The following CAGE1 variants were observed in gnomAD, a reference collection of about 807,000 sequenced individuals.
CAGE1 encodes the protein cancer antigen 1.
A neutral mutation model predicts 94.9 loss-of-function variants in CAGE1; 66 were observed. The ratio of observed to expected loss-of-function variants is 0.70; its 90% CI spans 0.57 to 0.85. The LOEUF is 0.85. CAGE1 is among the 40% of genes least tolerant of loss of function. CAGE1 has a pLI of 0.00. For missense variants in CAGE1, 865 were observed against 950.4 expected (o/e 0.91, Z 1.18); for synonymous variants, 319 against 321.0 (o/e 0.99, Z 0.07).
At chr6:7,333,498 G>C (rs1012830277) in intron 12 of CAGE1, among the ~76,000 whole-genome samples, 6 of 151,704 alleles carry the variant, frequency 4.0e-5, no homozygotes, top group African/African-American at 1.2e-4. Context: ...TCCATTTTAG[G>C]TTCTACAAAA....
At chr6:7,354,107 TAAAATA>T (rs1184872348) in intron 11 of CAGE1, among the ~76,000 whole-genome samples, 2 of 151,782 alleles carry the variant, frequency 1.3e-5, no homozygotes, top group Non-Finnish European at 2.9e-5. Flanking sequence ...AAAAATAAAA[TAAAATA>T]AAAATAAAAA....
chr6:7,335,167 C>A lies in CAGE1; in HGVS notation c.2370-1077G>T, dbSNP rs79580381. ...TCATCAAATCTCTCTCTGCCTCCCC[C>A]CTCTTATAAGGACCCCTGTGATTGC... is the stretch of plus-strand genomic sequence containing the variant. On this transcript the variant is annotated intron_variant, in intron 11 of 13. Transcript: ENST00000502583. 3.8e-3 allele frequency among the ~76,000 whole-genome samples: 582 copies of A among 152,292 alleles called. 1 individual carries two copies. The highest frequency in any genetic ancestry group is 7.3e-3 in the Non-Finnish European group (497 of 68,024).
chr6:7,365,107 T>A (rs1760281973), intron 9 of CAGE1, among the ~76,000 whole-genome samples: 1 of 152,202 alleles, frequency 6.6e-6, no homozygotes, highest in Non-Finnish European at 1.5e-5. Flanking sequence ...ACATTATGAG[T>A]GTTATTGCCT....
chr6:7,366,344 A>G (rs1467953634), intron 7 of CAGE1, among the ~76,000 whole-genome samples: 1 of 152,112 alleles, frequency 6.6e-6, no homozygotes, highest in Non-Finnish European at 1.5e-5. Context: ...AAGAATTCAC[A>G]CAGCAGGTCC....
intron 3 of CAGE1, among the ~76,000 whole-genome samples, chr6:7,382,678 G>A (rs1452590984): frequency 6.6e-6 from 1 of 151,758 alleles, no homozygotes; most frequent in African/African-American, 2.4e-5. Flanking sequence ...TTGGGAGGCT[G>A]AGGCCGGCAG....
At position 7,365,475 on chromosome 6, in the gene CAGE1, T is replaced by C. The variant is rs372243525; in HGVS notation, c.2186A>G (p.Asp729Gly). Reference protein sequence around the residue: ...DKYHSLNEELDFLITKLGHLL... With the variant: ...DKYHSLNEELGFLITKLGHLL... ...AAAAAAGGTCTTTCTTACCAAGAAA[T>C]CAAGCTCCTCATTTAGACTGTGGTA... Residue 729 changes from aspartate to glycine, a missense_variant, in exon 9 of 14, where the codon GAT becomes GGT. Physicochemically the swap from Asp to Gly is moderately conservative, Grantham distance 94 (BLOSUM62 -1). Transcript: ENST00000502583. The C allele has an allele frequency of 5.6e-6, 9 of 1,612,134 alleles. No individual in the cohort carries two copies. In the African/African-American group the frequency reaches 9.3e-5, roughly 17 times the overall value.
intron 11 of CAGE1, among the ~76,000 whole-genome samples, chr6:7,336,460 A>T (rs1207594703): frequency 6.6e-6 from 1 of 152,154 alleles, no homozygotes; most frequent in Non-Finnish European, 1.5e-5. Flanking sequence ...AGCACCACTG[A>T]ATGGAGTATA....
intron 11 of CAGE1, chr6:7,341,603 C>CCTTGCTGTGGACA: frequency 1.1e-6 from 1 of 876,282 alleles, no homozygotes. Flanking sequence ...AACTTGTCCA[C>CCTTGCTGTGGACA]AGCAAGGTGG....
chr6:7,351,783 T>A (rs1250360066), intron 11 of CAGE1, among the ~76,000 whole-genome samples: 5 of 152,104 alleles, frequency 3.3e-5, no homozygotes, highest in African/African-American at 4.8e-5. Context: ...ACAAAAATCA[T>A]ATGATCTTCT....
intron 11 of CAGE1, among the ~76,000 whole-genome samples, chr6:7,344,995 G>A (rs769593288): frequency 4.7e-4 from 72 of 152,194 alleles, no homozygotes; most frequent in Non-Finnish European, 7.3e-4. Flanking sequence ...CAATCAGCAG[G>A]ATGTGGGTGG....
At chr6:7,355,166 T>C in intron 10 of CAGE1, 55 bp from the exon 11 acceptor site, 2 of 1,308,684 alleles carry the variant, frequency 1.5e-6, no homozygotes, top group South Asian at 2.7e-5. Flanking sequence ...TTTATTTTTT[T>C]CTTTTTTATG....
rs760306465 is a variant in CAGE1, at chr6:7,373,677, G to A, written c.1142C>T (p.Thr381Ile). The change falls in exon 5 of 14, where the codon ACA (threonine) becomes ATA (isoleucine). Residue 381 changes from threonine (T) to isoleucine (I), a missense_variant. Physicochemically the swap from Thr to Ile is moderately conservative, Grantham distance 89. Transcript: ENST00000502583. ...IILEKNDTKK[T>I]LQNLEEVLAN... ...TAAAACCTCTTCCAAATTCTGCAAT[G>A]TCTTTTTAGTATCATTCTTCTCTAG... 1 of 1,612,990 alleles carries A rather than the reference G, an allele frequency of 6.2e-7. No homozygotes were observed. The highest frequency in any genetic ancestry group is 8.5e-7 in the Non-Finnish European group (1 of 1,179,342).
chr6:7,339,292 T>A lies in CAGE1; in HGVS notation c.2370-5202A>T. 1.9e-6 allele frequency: 3 copies of A among 1,579,386 alleles called. No homozygotes were observed. Among genetic ancestry groups the A allele is most frequent in the Non-Finnish European group, 2.6e-6 (3 of 1,149,124 alleles). ...TGGGCAATGGCACACAGACCCCTAG[T>A]GGCCACCTCTTCAGCATAAAGCTCT... On this transcript the variant is annotated intron_variant, in intron 11 of 13. Transcript: ENST00000502583. The surrounding 1 kb of genome is among the most constrained non-coding windows in gnomAD (Gnocchi z 4.7).
At chr6:7,327,354 C>T (rs1291956958) in intron 13 of CAGE1, among the ~76,000 whole-genome samples, 1 of 152,068 alleles carries the variant, frequency 6.6e-6, no homozygotes, top group Non-Finnish European at 1.5e-5. Flanking sequence ...GGGGTTTTGC[C>T]ATGTTGTCCA....
At chr6:7,327,595 T>C (rs1427501813) in intron 13 of CAGE1, among the ~76,000 whole-genome samples, 11 of 152,226 alleles carry the variant, frequency 7.2e-5, no homozygotes, top group Admixed American at 7.2e-4. Flanking sequence ...AGCAAGAATC[T>C]GAATAATCCA....
chr6:7,329,359 C>T (rs191672294), intron 13 of CAGE1: 60 of 339,906 alleles, frequency 1.8e-4, no homozygotes, highest in Middle Eastern at 1.8e-3. Context: ...AAGCAGTGAA[C>T]GGTAAGACTG....
At chr6:7,386,410 A>C (rs1037008278) in intron 2 of CAGE1, among the ~76,000 whole-genome samples, 1 of 152,226 alleles carries the variant, frequency 6.6e-6, no homozygotes, top group Non-Finnish European at 1.5e-5. Flanking sequence ...TGAAGACAGG[A>C]AAGTTGTCAT....
chr6:7,327,815 A>G (rs892943761), intron 13 of CAGE1, among the ~76,000 whole-genome samples: 1 of 152,104 alleles, frequency 6.6e-6, no homozygotes, highest in African/African-American at 2.4e-5. Context: ...CTGTAACCCC[A>G]GCTACTCGGG....
rs988413786 is a variant in CAGE1, at chr6:7,373,760, G to T, written c.1059C>A (p.Val353=). The T allele has an allele frequency of 2.5e-6, 4 of 1,613,308 alleles. No individual in the cohort carries two copies. The African/African-American group carries it at 4.0e-5, about 16-fold the overall frequency. ...CAACATTCTCCTTTAGCTTATTGAT[G>T]ACATCAATGAACACTTGCTGTTTGG... The part of the protein sequence containing the change: ...KITKQQVFID[V]INKLKENVEE... Residue 353 remains valine (V), a synonymous_variant, in exon 5 of 14, where the codon GTC becomes GTA. Coordinates refer to ENST00000502583, the MANE Select transcript of CAGE1 (RefSeq NM_001170692.2).
Sources: gnomAD v4.1 joint callset for allele counts (sites outside exome capture counted in the v4.1 genomes callset) on GRCh38, gnomAD v4.1.1 for gene constraint, Gnocchi (gnomAD v3.1) non-coding constraint, MANE v1.5 for transcripts, NCBI Gene and HGNC (gene_info 2026-07-23, HGNC 2026-07-21) for gene names.